The following AGPS variants were observed in gnomAD, a reference collection of about 807,000 sequenced individuals.
AGPS encodes the protein alkylglycerone phosphate synthase.
In AGPS, 26 loss-of-function variants were observed where a neutral mutation model predicts 90.7. The observed-to-expected ratio is 0.29, with a 90% CI of 0.21 to 0.40. AGPS has a LOEUF of 0.40. Ranked by LOEUF, AGPS falls within the 10% of genes least tolerant of loss-of-function variation. AGPS has a pLI of 1.00. For synonymous variants in AGPS, 294 were observed against 285.3 expected (o/e 1.03, Z -0.31); for missense variants, 540 against 816.1 (o/e 0.66, Z 4.12).
intron 10 of AGPS, among the ~76,000 whole-genome samples, chr2:177,478,489 G>T (rs1687846264): frequency 6.6e-6 from 1 of 151,904 alleles, no homozygotes; most frequent in African/African-American, 2.4e-5. Flanking sequence ...CACGTAAATT[G>T]GTGTGCTTAA....
chr2:177,430,062 A>C (rs1686194207), intron 2 of AGPS, among the ~76,000 whole-genome samples: 1 of 152,212 alleles, frequency 6.6e-6, no homozygotes, highest in Non-Finnish European at 1.5e-5. Flanking sequence ...AAAAAAAAGC[A>C]GTCTGGCCAC....
intron 11 of AGPS, among the ~76,000 whole-genome samples, chr2:177,485,480 C>T (rs1450230462): frequency 6.6e-6 from 1 of 152,114 alleles, no homozygotes; most frequent in Non-Finnish European, 1.5e-5. Flanking sequence ...TAGAAAGTGA[C>T]ACAGAAGACC....
At position 177,493,140 on chromosome 2, in the gene AGPS, T is replaced by C; in HGVS notation, c.1234-8T>C. 6.2e-7 allele frequency: 1 copy of C among 1,611,418 alleles called. No individual in the cohort carries two copies. Among genetic ancestry groups the C allele is most frequent in the Non-Finnish European group, 8.5e-7 (1 of 1,178,516 alleles). Reference sequence around the variant, plus strand: ...TTTGTATCACTTTTTTTTTTCTTTTTAAAACAGAGATGTGCTCCGGCATCT... The same window carrying C: ...TTTGTATCACTTTTTTTTTTCTTTTCAAAACAGAGATGTGCTCCGGCATCT... On this transcript the variant is annotated splice_polypyrimidine_tract_variant and splice_region_variant and intron_variant, in intron 11 of 19. Transcript: ENST00000264167.
rs1687939405 is a variant in AGPS at position 177,481,395 on chromosome 2, TTTG to T, written c.1106-661_1106-659del. On this transcript the variant is annotated intron_variant, in intron 10 of 19. Transcript: ENST00000264167. ...TTTACTTTTTGTTTTGTTTTGTTTT[TTTG>T]TTTTTTAATTTGTGTGTGTGTTTTT... is the stretch of plus-strand genomic sequence containing the variant. Among the ~76,000 whole-genome samples, 7 of 152,058 alleles carry T rather than the reference TTTG, an allele frequency of 4.6e-5. No individual in the cohort carries two copies. In the South Asian group the frequency reaches 1.5e-3, roughly 32 times the overall value.
At chr2:177,432,769 G>T (rs1306614178) in intron 2 of AGPS, among the ~76,000 whole-genome samples, 1 of 152,172 alleles carries the variant, frequency 6.6e-6, no homozygotes, top group Non-Finnish European at 1.5e-5. Flanking sequence ...TCATGGTTCT[G>T]TAGGCTGTGC....
At position 177,540,604 on chromosome 2, in the gene AGPS, G is replaced by A. The variant is rs2079225775; in HGVS notation, c.*2409G>A. ...TCTTATTTCTATAATATCTGAAAAT[G>A]GCTTCATAAAAGTTAAGTCAGGAGA... On this transcript the variant is annotated 3_prime_UTR_variant, in exon 20 of 20. Transcript: ENST00000264167. 1.3e-5 allele frequency: 2 copies of A among 151,910 alleles called. No homozygotes were observed. Among genetic ancestry groups the A allele is most frequent in the African/African-American group, 4.8e-5 (2 of 41,366 alleles). The allele number at this position is 151,910 out of a possible 1,614,324, so 9.4% of individuals were successfully genotyped here. A position where few individuals can be genotyped will look rare whatever the true frequency, so the allele number is the denominator to read the frequency against.
chr2:177,470,260 C>A (rs934298914), intron 10 of AGPS, among the ~76,000 whole-genome samples: 4 of 152,118 alleles, frequency 2.6e-5, no homozygotes, highest in African/African-American at 9.7e-5. Context: ...GTAAGGGCTA[C>A]AGGGTAGTTC....
chr2:177,419,303 A>T (rs1685877102), intron 1 of AGPS, among the ~76,000 whole-genome samples: 1 of 151,914 alleles, frequency 6.6e-6, no homozygotes, highest in African/African-American at 2.4e-5. Context: ...TTTATTTTGA[A>T]ATTTTAATGC....
intron 8 of AGPS, among the ~76,000 whole-genome samples, chr2:177,460,470 A>G (rs1271613511): frequency 6.6e-6 from 1 of 152,220 alleles, no homozygotes; most frequent in Non-Finnish European, 1.5e-5. Flanking sequence ...TTAAAAAATT[A>G]GTTAAAGTGT....
At chr2:177,446,405 T>G (rs1158389690) in intron 8 of AGPS, among the ~76,000 whole-genome samples, 2 of 152,092 alleles carry the variant, frequency 1.3e-5, no homozygotes, top group Non-Finnish European at 2.9e-5. Context: ...CCTCCTGAAG[T>G]GTTGGGATTA....
In AGPS at chr2:177,462,026, T is replaced by C. The variant is rs773713915; in HGVS notation, c.996+8T>C. Reference sequence around the variant, plus strand: ...GGCAATATCGAGGACCTGGTAAATATTTTTCTAGTTATTATGTAATAATTG... The same window carrying C: ...GGCAATATCGAGGACCTGGTAAATACTTTTCTAGTTATTATGTAATAATTG... On this transcript the variant is annotated splice_region_variant and intron_variant, in intron 9 of 19. Transcript: ENST00000264167. 1.2e-5 allele frequency: 19 copies of C among 1,597,928 alleles called. No individual in the cohort carries two copies. Among genetic ancestry groups the C allele is most frequent in the East Asian group, 2.3e-5 (1 of 44,200 alleles).
At position 177,543,711 on chromosome 2, in the gene AGPS, G is replaced by A. The variant is rs1254495948; in HGVS notation, c.*5516G>A. On this transcript the variant is annotated 3_prime_UTR_variant, in exon 20 of 20. Transcript: ENST00000264167. The stretch of plus-strand genomic sequence containing the variant: ...GGGCTCAACACATAGTCAGTATTCC[G>A]TGCTTTCAGTGTGTGTTCAGATTCT... The A allele has an allele frequency of 3.3e-5, 5 of 152,190 alleles. No individual in the cohort carries two copies. The highest frequency in any genetic ancestry group is 1.9e-4 in the East Asian group (1 of 5,192). The allele number at this position is 152,190 out of a possible 1,614,324, so 9.4% of individuals were successfully genotyped here.
At chr2:177,402,354 A>G (rs1375242844) in intron 1 of AGPS, among the ~76,000 whole-genome samples, 1 of 152,188 alleles carries the variant, frequency 6.6e-6, no homozygotes, top group Non-Finnish European at 1.5e-5. Flanking sequence ...GTGCAGCTGG[A>G]CTCAATTCAT....
intron 19 of AGPS, among the ~76,000 whole-genome samples, chr2:177,536,511 A>C (rs2079185627): frequency 6.6e-6 from 1 of 152,148 alleles, no homozygotes; most frequent in Non-Finnish European, 1.5e-5. Context: ...AAGAGACCTT[A>C]TAAAGTCTAA....
At chr2:177,435,364 C>T (rs537800231) in intron 3 of AGPS, among the ~76,000 whole-genome samples, 10 of 152,176 alleles carry the variant, frequency 6.6e-5, no homozygotes, top group South Asian at 6.2e-4. Context: ...TTTTCCTAGA[C>T]GTCTCTTATC....
intron 8 of AGPS, among the ~76,000 whole-genome samples, chr2:177,446,263 C>T (rs1428864461): frequency 2.0e-5 from 3 of 152,090 alleles, no homozygotes; most frequent in Non-Finnish European, 2.9e-5. Context: ...ATGCCATTCT[C>T]CTGCCTCAGC....
intron 14 of AGPS, among the ~76,000 whole-genome samples, chr2:177,505,107 A>G (rs1163387677): frequency 6.6e-6 from 1 of 152,052 alleles, no homozygotes; most frequent in East Asian, 1.9e-4. Flanking sequence ...AACATTCCAA[A>G]TACTATGTAC....
chr2:177,498,375 C>G (rs948990096), intron 13 of AGPS, among the ~76,000 whole-genome samples: 1 of 150,928 alleles, frequency 6.6e-6, no homozygotes, highest in Admixed American at 6.6e-5. Context: ...TTTCTTGGTA[C>G]TTTGATGTAT....
At position 177,522,884 on chromosome 2, in the gene AGPS, A is replaced by G. The variant is rs561710077; in HGVS notation, c.1798-864A>G. 6.3e-4 allele frequency among the ~76,000 whole-genome samples: 96 copies of G among 152,302 alleles called. No homozygotes were observed. In the South Asian group the frequency reaches 8.7e-3, roughly 14 times the overall value. ...GTAATTTTGAGAGGCCCAAGGTACT[A>G]TAGATATTTTACCTCGTAGCCATTA... On this transcript the variant is annotated intron_variant, in intron 18 of 19. Transcript: ENST00000264167.
Sources: gnomAD v4.1 joint callset for allele counts (sites outside exome capture counted in the v4.1 genomes callset) on GRCh38, gnomAD v4.1.1 for gene constraint, MANE v1.5 for transcripts, NCBI Gene and HGNC (gene_info 2026-07-23, HGNC 2026-07-21) for gene names.